Variants in CNTNAP2 observed in about 807,000 individuals in gnomAD.
CNTNAP2 encodes contactin-associated protein-like 2.
Under a neutral mutation model 155.2 loss-of-function variants are expected in CNTNAP2, and 98 were observed. The ratio of observed to expected loss-of-function variants is 0.63; its 90% CI spans 0.54 to 0.75. The LOEUF (loss-of-function observed/expected upper bound fraction) is 0.75. Ranked by LOEUF, CNTNAP2 falls within the 30% of genes least tolerant of loss-of-function variation. The pLI is 0.00. For synonymous variants in CNTNAP2, 651 were observed against 631.2 expected, an observed-to-expected ratio of 1.03 and a Z score of -0.47; for missense variants, 1,727 against 1,688.1, an observed-to-expected ratio of 1.02 and a Z score of -0.40.
intron 13 of CNTNAP2, among the ~76,000 whole-genome samples, chr7:147,813,351 G>C (rs1375997653): frequency 2.6e-5 from 4 of 152,160 alleles, no homozygotes; most frequent in Non-Finnish European, 4.4e-5. Context: ...TAGAATCTCA[G>C]AGAAGAAGAA....
At chr7:148,310,042 A>G (rs1797566083) in intron 21 of CNTNAP2, among the ~76,000 whole-genome samples, 1 of 152,158 alleles carries the variant, frequency 6.6e-6, no homozygotes, top group African/African-American at 2.4e-5. Flanking sequence ...TTGTTAGAAG[A>G]AACATTTGTA....
At chr7:147,237,343 G>A (rs1008494807) in intron 8 of CNTNAP2, among the ~76,000 whole-genome samples, 1 of 152,078 alleles carries the variant, frequency 6.6e-6, no homozygotes, top group African/African-American at 2.4e-5. Context: ...AAAGTGTTGG[G>A]ATTACAGGTG....
intron 4 of CNTNAP2, among the ~76,000 whole-genome samples, chr7:147,050,271 T>C (rs749216697): frequency 3.3e-5 from 5 of 152,184 alleles, no homozygotes; most frequent in Non-Finnish European, 7.3e-5. Flanking sequence ...AAATCATTTA[T>C]GGCTGCATTA....
Position 147,082,263 on chromosome 7 carries a change from G to C in CNTNAP2, c.551-25884G>C, listed in dbSNP as rs1327179403. On this transcript the variant is annotated intron_variant, in intron 4 of 23. Transcript: ENST00000361727. ...ACTGTGATTACCAAAGAATAGTTTA[G>C]GACCAACATGCTCCCCTTTTCTTTA... Among the ~76,000 whole-genome samples the C allele has an allele frequency of 3.3e-5, 5 of 152,266 alleles. No homozygotes were observed. In the East Asian group the frequency reaches 9.7e-4, roughly 29 times the overall value.
intron 15 of CNTNAP2, among the ~76,000 whole-genome samples, chr7:148,088,291 C>T (rs1431054718): frequency 1.3e-5 from 2 of 151,662 alleles, no homozygotes; most frequent in Admixed American, 1.3e-4. Context: ...CTCCAATAAA[C>T]CCAAAGTTAC....
chr7:147,814,591 C>T (rs1236066006), intron 13 of CNTNAP2, among the ~76,000 whole-genome samples: 1 of 152,128 alleles, frequency 6.6e-6, no homozygotes, highest in Non-Finnish European at 1.5e-5. Flanking sequence ...TTTTATATAA[C>T]CTATTGATTG....
At position 147,600,419 on chromosome 7, in the gene CNTNAP2, A is replaced by C. The variant is rs546903198; in HGVS notation, c.1897+38162A>C. On this transcript the variant is annotated intron_variant, in intron 12 of 23. Transcript: ENST00000361727. ...AACTCTGCCTTTGTAGTGCAATGGC[A>C]GCCAGAGATAACCTGTAAACAAATC... 5.3e-5 allele frequency among the ~76,000 whole-genome samples: 8 copies of C among 152,352 alleles called. No homozygotes were observed. The South Asian group carries it at 1.7e-3, about 32-fold the overall frequency.
At chr7:146,983,089 A>T (rs1255199559) in intron 3 of CNTNAP2, among the ~76,000 whole-genome samples, 1 of 152,182 alleles carries the variant, frequency 6.6e-6, no homozygotes, top group East Asian at 1.9e-4. Flanking sequence ...GAAATAGTAG[A>T]CTGATAAATT....
At chr7:146,554,281 A>G (rs1584979125) in intron 1 of CNTNAP2, among the ~76,000 whole-genome samples, 1 of 152,148 alleles carries the variant, frequency 6.6e-6, no homozygotes, top group East Asian at 1.9e-4. Context: ...GCTTCTAACG[A>G]CAGTATTTGT....
In CNTNAP2 at chr7:146,968,023, G is replaced by C. The variant is rs13246527; in HGVS notation, c.403-75884G>C. Among the ~76,000 whole-genome samples, 13 of 125,432 alleles carry C rather than the reference G, an allele frequency of 1.0e-4. 1 individual carries two copies. The highest frequency in any genetic ancestry group is 6.1e-4 in the Admixed American group (8 of 13,150). The allele number at this position is 125,432 out of a possible 152,430, so 82.3% of individuals were successfully genotyped here. The stretch of plus-strand genomic sequence containing the variant: ...TATTGAGAGTTTTTAGCATGAAGCG[G>C]TGTTGAATTTTGTCAAAGGCCTTTT... On this transcript the variant is annotated intron_variant, in intron 3 of 23. Coordinates refer to ENST00000361727, the MANE Select transcript of CNTNAP2 (RefSeq NM_014141.6).
At chr7:148,138,400 A>G (rs1042689754) in intron 16 of CNTNAP2, among the ~76,000 whole-genome samples, 2 of 152,108 alleles carry the variant, frequency 1.3e-5, no homozygotes, top group Non-Finnish European at 2.9e-5. Flanking sequence ...TTGGATGCCA[A>G]ATTCTCCTTT....
intron 1 of CNTNAP2, among the ~76,000 whole-genome samples, chr7:146,455,966 A>G (rs1195108166): frequency 2.0e-5 from 3 of 152,222 alleles, no homozygotes; most frequent in Non-Finnish European, 4.4e-5. Flanking sequence ...CTAAAGTTAT[A>G]CCATATTGGC....
chr7:147,885,513 A>G (rs971828681), intron 13 of CNTNAP2, among the ~76,000 whole-genome samples: 2 of 150,936 alleles, frequency 1.3e-5, no homozygotes, highest in African/African-American at 4.9e-5. Flanking sequence ...TCAGAACTCC[A>G]CCCCCCGCCA....
chr7:146,773,228 A>G (rs1802328103), intron 1 of CNTNAP2, among the ~76,000 whole-genome samples: 1 of 152,206 alleles, frequency 6.6e-6, no homozygotes, highest in South Asian at 2.1e-4. Context: ...AAAAATCTTA[A>G]TGACATTATA....
chr7:147,926,235 CT>C (rs1196416135), intron 14 of CNTNAP2, among the ~76,000 whole-genome samples: 5 of 152,170 alleles, frequency 3.3e-5, no homozygotes, highest in Admixed American at 3.3e-4. Context: ...CTCCACACCT[CT>C]CCCCACGCCT....
intron 1 of CNTNAP2, among the ~76,000 whole-genome samples, chr7:146,302,364 A>G (rs1311634552): frequency 6.6e-6 from 1 of 152,118 alleles, no homozygotes; most frequent in Non-Finnish European, 1.5e-5. Flanking sequence ...TAAGTTAGTC[A>G]AAATGGTTTA....
At chr7:148,140,937 T>G (rs1805053251) in intron 16 of CNTNAP2, among the ~76,000 whole-genome samples, 1 of 152,222 alleles carries the variant, frequency 6.6e-6, no homozygotes, top group South Asian at 2.1e-4. Flanking sequence ...AAAATCTCTC[T>G]GTTGAGGACA....
intron 11 of CNTNAP2, among the ~76,000 whole-genome samples, chr7:147,515,111 C>T (rs552983275): frequency 3.9e-5 from 6 of 152,136 alleles, no homozygotes; most frequent in East Asian, 3.9e-4. Flanking sequence ...ATGAACACAT[C>T]GGGCAAGCAT....
chr7:146,825,080 G>T (rs1053654055), intron 2 of CNTNAP2, among the ~76,000 whole-genome samples: 3 of 152,002 alleles, frequency 2.0e-5, no homozygotes, highest in Admixed American at 6.6e-5. Flanking sequence ...TCCTGTGTGT[G>T]TGTGTGTACT....
Sources: allele counts gnomAD v4.1 joint callset (sites outside exome capture counted in the v4.1 genomes callset), GRCh38; gene constraint gnomAD v4.1.1; transcripts MANE v1.5; gene names NCBI Gene and HGNC (gene_info 2026-07-23, HGNC 2026-07-21).